Variants in HMCN1 observed in about 807,000 individuals in gnomAD.
HMCN1 encodes the protein hemicentin-1.
A neutral mutation model predicts 625.9 loss-of-function variants in HMCN1; 321 were observed. The ratio of observed to expected loss-of-function variants is 0.51; its 90% CI spans 0.47 to 0.56. The LOEUF (loss-of-function observed/expected upper bound fraction) is 0.56. Among genes scored for constraint, HMCN1 ranks in the 20% least tolerant of loss-of-function variants. HMCN1 has a pLI of 0.00. For missense variants in HMCN1, 6,588 were observed against 6,887.3 expected (o/e 0.96, Z 1.54); for synonymous variants, 2,425 against 2,417.6 (o/e 1.00, Z -0.09).
At position 186,117,510 on chromosome 1, in the gene HMCN1, C is replaced by A; in HGVS notation, c.11735C>A (p.Ala3912Asp). The change falls in exon 77 of 107, where the codon GCC becomes GAC. Residue 3912 changes from alanine to aspartate, a missense_variant. Transcript: ENST00000271588. ...EPTDFLVTKH[A>D]PAVITCTASG... ...ACAGATTTCCTAGTAACCAAACATG[C>A]CCCAGCAGTAATTACCTGCACTGCT... The A allele has an allele frequency of 6.2e-7, 1 of 1,613,840 alleles. No individual in the cohort carries two copies. The highest frequency in any genetic ancestry group is 8.5e-7 in the Non-Finnish European group (1 of 1,179,786).
chr1:185,788,490 TAG>T (rs991861194), intron 1 of HMCN1, among the ~76,000 whole-genome samples: 1 of 152,244 alleles, frequency 6.6e-6, no homozygotes, highest in Non-Finnish European at 1.5e-5. Flanking sequence ...TTTTAAATAA[TAG>T]ACATTTTAAC....
At chr1:185,911,541 C>A in intron 5 of HMCN1, 133 bp from the exon 6 acceptor site, 2 of 779,036 alleles carry the variant, frequency 2.6e-6, no homozygotes, top group Non-Finnish European at 2.3e-6. Context: ...TAGTTTGCAG[C>A]ACACTTTGGT....
intron 4 of HMCN1, among the ~76,000 whole-genome samples, chr1:185,869,191 C>A (rs1663456641): frequency 6.6e-6 from 1 of 152,138 alleles, no homozygotes; most frequent in South Asian, 2.1e-4. Context: ...TCTTTTTGTT[C>A]AAGCCAATTT....
intron 15 of HMCN1, among the ~76,000 whole-genome samples, chr1:185,975,566 C>G (rs966569986): frequency 6.6e-6 from 1 of 152,088 alleles, no homozygotes; most frequent in Admixed American, 6.6e-5. Context: ...TACGATTCAA[C>G]ATGAGATTTG....
chr1:186,107,047 G>A, intron 70 of HMCN1, 82 bp downstream of exon 70: 1 of 862,158 alleles, frequency 1.2e-6, no homozygotes, highest in Non-Finnish European at 2.0e-6. Context: ...GCACATCACA[G>A]GATATGTTTA....
chr1:185,999,128 T>A (rs1653004224), intron 25 of HMCN1, among the ~76,000 whole-genome samples: 1 of 151,408 alleles, frequency 6.6e-6, no homozygotes, highest in African/African-American at 2.4e-5. Context: ...TGCTATTCTT[T>A]TATATATATA....
At chr1:185,900,798 G>A (rs1295565845) in intron 4 of HMCN1, among the ~76,000 whole-genome samples, 1 of 151,870 alleles carries the variant, frequency 6.6e-6, no homozygotes, top group African/African-American at 2.4e-5. Flanking sequence ...TTAGGATCAA[G>A]ACATAATCAG....
At chr1:185,911,577 A>T in intron 5 of HMCN1, 97 bp from the exon 6 acceptor site, 1 of 932,574 alleles carries the variant, frequency 1.1e-6, no homozygotes, top group Non-Finnish European at 1.8e-6. Context: ...GTTATTTGAA[A>T]TTTGATCATG....
intron 64 of HMCN1, among the ~76,000 whole-genome samples, chr1:186,092,864 A>G (rs1571341719): frequency 6.6e-6 from 1 of 152,254 alleles, no homozygotes; most frequent in Non-Finnish European, 1.5e-5. Context: ...CATTTAATTC[A>G]AACCTTATAT....
Position 186,166,188 on chromosome 1 carries a change from G to A in HMCN1, c.15324G>A (p.Glu5108=). ...CCTTTTTGTTTCTTCTTTAAGATGA[G>A]GATGAATGTGCAGCAGGGAATCCCT... is the stretch of plus-strand genomic sequence containing the variant. The part of the protein sequence containing the change: ...LDSVGPFCAD[E]DECAAGNPCS... The change falls in exon 99 of 107, where the codon GAG becomes GAA. Residue 5108 remains glutamate, a synonymous_variant. Coordinates refer to ENST00000271588, the MANE Select transcript of HMCN1 (RefSeq NM_031935.3). 6.2e-7 allele frequency: 1 copy of A among 1,614,050 alleles called. No individual in the cohort carries two copies. The highest frequency in any genetic ancestry group is 8.5e-7 in the Non-Finnish European group (1 of 1,179,996).
At chr1:186,004,247 T>A (rs1230069891) in intron 29 of HMCN1, among the ~76,000 whole-genome samples, 1 of 152,178 alleles carries the variant, frequency 6.6e-6, no homozygotes, top group African/African-American at 2.4e-5. Flanking sequence ...AAAAAGGAAC[T>A]ACAGATATTT....
In HMCN1 at chr1:185,933,615, C is replaced by T; in HGVS notation, c.1619C>T (p.Thr540Ile). 3 of 1,613,932 alleles carry T rather than the reference C, an allele frequency of 1.9e-6. No individual in the cohort carries two copies. Among genetic ancestry groups the T allele is most frequent in the Non-Finnish European group, 2.5e-6 (3 of 1,179,886 alleles). Residue 540 changes from threonine (T) to isoleucine (I), a missense_variant, in exon 11 of 107, where the codon ACA becomes ATA. This residue lies in a region of HMCN1 where 4,628 missense variants were observed against 4,853.1 expected (regional missense o/e 0.95). Coordinates refer to ENST00000271588, the MANE Select transcript of HMCN1 (RefSeq NM_031935.3). The part of the protein sequence containing the change: ...TVTPGERAVL[T>I]CLIISAVDYN... ...ACTCCTGGAGAGAGAGCAGTTTTAA[C>T]ATGTCTCATCATCAGTGCGGTGGAT... is the stretch of plus-strand genomic sequence containing the variant.
At chr1:186,046,192 G>T (rs1486885330) in intron 41 of HMCN1, among the ~76,000 whole-genome samples, 1 of 152,096 alleles carries the variant, frequency 6.6e-6, no homozygotes, top group Non-Finnish European at 1.5e-5. Flanking sequence ...ATGCAAAAAA[G>T]TCATGGTGAC....
intron 4 of HMCN1, among the ~76,000 whole-genome samples, chr1:185,896,544 G>C (rs1665500279): frequency 6.6e-6 from 1 of 152,076 alleles, no homozygotes; most frequent in Non-Finnish European, 1.5e-5. Context: ...ATTTATTACT[G>C]TTATGATAAA....
intron 4 of HMCN1, among the ~76,000 whole-genome samples, chr1:185,872,812 A>C (rs1471293776): frequency 6.6e-6 from 1 of 152,178 alleles, no homozygotes; most frequent in African/African-American, 2.4e-5. Flanking sequence ...TGTAATGTGC[A>C]GTGGGATCAT....
At chr1:185,750,602 C>T (rs1030845171) in intron 1 of HMCN1, among the ~76,000 whole-genome samples, 1 of 151,964 alleles carries the variant, frequency 6.6e-6, no homozygotes, top group Non-Finnish European at 1.5e-5. Flanking sequence ...CTTTTAAATG[C>T]GTTTTGCTTG....
chr1:185,737,419 G>C (rs1653667970), intron 1 of HMCN1, among the ~76,000 whole-genome samples: 1 of 152,132 alleles, frequency 6.6e-6, no homozygotes, highest in South Asian at 2.1e-4. Flanking sequence ...CAAAGTGCTG[G>C]GATTACAGGC....
intron 1 of HMCN1, among the ~76,000 whole-genome samples, chr1:185,754,412 C>T (rs1280350357): frequency 6.6e-6 from 1 of 151,828 alleles, no homozygotes; most frequent in East Asian, 1.9e-4. Context: ...TTTTAATAAA[C>T]CTTTGATTAA....
chr1:185,755,264 A>G (rs1172119291), intron 1 of HMCN1, among the ~76,000 whole-genome samples: 2 of 152,170 alleles, frequency 1.3e-5, no homozygotes, highest in African/African-American at 4.8e-5. Flanking sequence ...AAATTATTAC[A>G]TCTACTTGGT....
Sources: allele counts gnomAD v4.1 joint callset (sites outside exome capture counted in the v4.1 genomes callset), GRCh38; gene constraint gnomAD v4.1.1; regional missense constraint gnomAD v4.1.1; transcripts MANE v1.5; gene names NCBI Gene and HGNC (gene_info 2026-07-23, HGNC 2026-07-21).